DOK5: variants seen among roughly 807,000 people sequenced by gnomAD.
DOK5 encodes downstream of tyrosine kinase 5.
A neutral mutation model predicts 43.3 loss-of-function variants in DOK5; 27 were observed. The observed-to-expected ratio is 0.62, with a 90% CI of 0.46 to 0.86. The LOEUF (loss-of-function observed/expected upper bound fraction) is 0.86, where lower values mean the gene tolerates loss of function less well. Among genes scored for constraint, DOK5 ranks in the 40% least tolerant of loss-of-function variants. DOK5 has a pLI of 0.00. For synonymous variants in DOK5, 146 were observed against 140.1 expected, an observed-to-expected ratio of 1.04 and a Z score of -0.30; for missense variants, 373 against 392.9, an observed-to-expected ratio of 0.95 and a Z score of 0.43.
chr20:54,650,583 GC>G lies in DOK5; in HGVS notation c.*105del. ...AGGGAAATGACGACCAAGAGAAGAAGCTTAAAGTCCTGGCTAATTGTGTGGT... is the reference window on the plus strand; with the variant it reads ...AGGGAAATGACGACCAAGAGAAGAAGTTAAAGTCCTGGCTAATTGTGTGGT... On this transcript the variant is annotated 3_prime_UTR_variant, in exon 8 of 8. Transcript: ENST00000262593. 1.9e-6 allele frequency: 2 copies of G among 1,070,018 alleles called. No individual in the cohort carries two copies. Among genetic ancestry groups the G allele is most frequent in the South Asian group, 2.8e-5 (2 of 71,462 alleles). 66.3% of individuals were successfully genotyped at this position (1,070,018 alleles called of 1,614,324 possible).
intron 1 of DOK5, among the ~76,000 whole-genome samples, chr20:54,554,281 C>T (rs1445906752): frequency 6.6e-6 from 1 of 152,204 alleles, no homozygotes; most frequent in African/African-American, 2.4e-5. Context: ...TTCCCTGTAG[C>T]AGGTTCCACA....
At chr20:54,628,921 GATC>G (rs1372705426) in intron 6 of DOK5, among the ~76,000 whole-genome samples, 3 of 152,142 alleles carry the variant, frequency 2.0e-5, no homozygotes, top group African/African-American at 7.2e-5. Flanking sequence ...GATTATCTAT[GATC>G]ATCATTCTTT....
rs1426530360 is a variant in DOK5, at chr20:54,606,729, A to G, written c.600-3659A>G. Reference sequence around the variant, plus strand: ...ATCAATTAGGAGGGGTGGATAAGATAAAAGGACTTGTGGGTAGAGTATAGA... The same window carrying G: ...ATCAATTAGGAGGGGTGGATAAGATGAAAGGACTTGTGGGTAGAGTATAGA... On this transcript the variant is annotated intron_variant, in intron 5 of 7. Transcript: ENST00000262593. 2.6e-5 allele frequency among the ~76,000 whole-genome samples: 4 copies of G among 152,190 alleles called. No individual in the cohort carries two copies. In the East Asian group the frequency reaches 7.7e-4, roughly 29 times the overall value.
chr20:54,625,851 A>G (rs1987115004), intron 6 of DOK5, among the ~76,000 whole-genome samples: 1 of 152,246 alleles, frequency 6.6e-6, no homozygotes, highest in Admixed American at 6.5e-5. Context: ...CATTTCTTCA[A>G]TCAATTCATC....
intron 1 of DOK5, among the ~76,000 whole-genome samples, chr20:54,543,054 T>A (rs867678633): frequency 6.6e-6 from 1 of 152,110 alleles, no homozygotes; most frequent in Non-Finnish European, 1.5e-5. Context: ...AATATAAATA[T>A]TCCTGGTTTA....
rs138477029 is a variant in DOK5 at position 54,497,080 on chromosome 20, A to G, written c.66+21068A>G. Among the ~76,000 whole-genome samples, 130 of 152,296 alleles carry G rather than the reference A, an allele frequency of 8.5e-4. 1 individual carries two copies. Among genetic ancestry groups the G allele is most frequent in the African/African-American group, 3.1e-3 (127 of 41,568 alleles). On this transcript the variant is annotated intron_variant, in intron 1 of 7. Coordinates refer to ENST00000262593, the MANE Select transcript of DOK5 (RefSeq NM_018431.5). Reference sequence around the variant, plus strand: ...TCCTAATTTCTGTTTCCTCAGTTAAACAATATCAATAATTATGGCTCCTGA... The same window carrying G: ...TCCTAATTTCTGTTTCCTCAGTTAAGCAATATCAATAATTATGGCTCCTGA...
chr20:54,475,878 C>G lies in DOK5; in HGVS notation c.-69C>G. 1 of 1,587,818 alleles carries G rather than the reference C, an allele frequency of 6.3e-7. No individual in the cohort carries two copies. The highest frequency in any genetic ancestry group is 1.1e-5 in the South Asian group (1 of 87,992). ...CACCGACTGCTTGTCTTGACCCTGC[C>G]CTCCACCCTCCCCAGAGCCACTTCG... On this transcript the variant is annotated 5_prime_UTR_variant, in exon 1 of 8. Transcript: ENST00000262593. The surrounding 1 kb of genome is among the most constrained non-coding windows in gnomAD (Gnocchi z 4.2).
intron 5 of DOK5, among the ~76,000 whole-genome samples, chr20:54,609,125 T>C (rs780594931): frequency 1.3e-5 from 2 of 152,218 alleles, no homozygotes; most frequent in Non-Finnish European, 2.9e-5. Flanking sequence ...AAACATTAGA[T>C]ACATCTTCCT....
chr20:54,637,492 A>T (rs1272904364), intron 6 of DOK5, among the ~76,000 whole-genome samples: 1 of 152,240 alleles, frequency 6.6e-6, no homozygotes, highest in Non-Finnish European at 1.5e-5. Context: ...GTCCTAAATG[A>T]TTGTGCATAT....
intron 5 of DOK5, among the ~76,000 whole-genome samples, chr20:54,595,465 G>A (rs2146775434): frequency 6.6e-6 from 1 of 152,320 alleles, no homozygotes; most frequent in East Asian, 1.9e-4. Context: ...AGATATATGG[G>A]TGACAAAGTT....
intron 6 of DOK5, among the ~76,000 whole-genome samples, chr20:54,641,590 C>A (rs6064098): frequency 0.054 from 8,095 of 151,230 alleles, 240 homozygotes; most frequent in Middle Eastern, 0.088. Flanking sequence ...TCTCCATCTC[C>A]ATTTTTCCCC....
At chr20:54,595,985 T>C (rs1378691764) in intron 5 of DOK5, among the ~76,000 whole-genome samples, 1 of 152,240 alleles carries the variant, frequency 6.6e-6, no homozygotes, top group Non-Finnish European at 1.5e-5. Flanking sequence ...GGAAGGATGC[T>C]GGGCTTCTCC....
At chr20:54,477,660 A>C (rs1164938109) in intron 1 of DOK5, among the ~76,000 whole-genome samples, 3 of 124,252 alleles carry the variant, frequency 2.4e-5, no homozygotes, top group East Asian at 1.9e-4. Flanking sequence ...AAAAAAAAAA[A>C]ACCCAGCATT....
intron 1 of DOK5, among the ~76,000 whole-genome samples, chr20:54,541,385 T>C (rs1984153822): frequency 6.6e-6 from 1 of 152,206 alleles, no homozygotes. Flanking sequence ...TTCGTCTCAC[T>C]TCCCATCTCA....
At chr20:54,577,813 A>G (rs1985501466) in intron 2 of DOK5, among the ~76,000 whole-genome samples, 1 of 152,174 alleles carries the variant, frequency 6.6e-6, no homozygotes, top group Admixed American at 6.5e-5. Flanking sequence ...CATGGTGGAG[A>G]GTTGAAGCTC....
chr20:54,636,119 A>G (rs1420184927), intron 6 of DOK5, among the ~76,000 whole-genome samples: 1 of 152,212 alleles, frequency 6.6e-6, no homozygotes, highest in African/African-American at 2.4e-5. Flanking sequence ...ACCGCCTTTG[A>G]AAAATTATGA....
chr20:54,594,172 G>T (rs1986065408), intron 5 of DOK5, among the ~76,000 whole-genome samples: 2 of 151,874 alleles, frequency 1.3e-5, no homozygotes, highest in African/African-American at 4.8e-5. Context: ...TTTTAAAAAA[G>T]AAAATAAGAA....
chr20:54,604,004 T>G (rs1265933178), intron 5 of DOK5, among the ~76,000 whole-genome samples: 1 of 139,696 alleles, frequency 7.2e-6, no homozygotes, highest in Non-Finnish European at 1.5e-5. Context: ...TGGAGTGCAG[T>G]GGCGCGATCT....
intron 6 of DOK5, among the ~76,000 whole-genome samples, chr20:54,632,481 A>G (rs1193443400): frequency 6.6e-6 from 1 of 152,316 alleles, no homozygotes; most frequent in East Asian, 1.9e-4. Context: ...TAACCATGGA[A>G]CTCCACAATA....
Sources: gnomAD v4.1 joint callset for allele counts (sites outside exome capture counted in the v4.1 genomes callset) on GRCh38, gnomAD v4.1.1 for gene constraint, Gnocchi (gnomAD v3.1) non-coding constraint, MANE v1.5 for transcripts, NCBI Gene and HGNC (gene_info 2026-07-23, HGNC 2026-07-21) for gene names.